DLG2: variants seen among roughly 807,000 people sequenced by gnomAD.
DLG2 encodes the protein disks large homolog 2.
Under a neutral mutation model 132.5 loss-of-function variants are expected in DLG2, and 45 were observed. That is an observed-to-expected ratio of 0.34 (90% CI 0.27 to 0.44). DLG2 has a LOEUF of 0.44. Among genes scored for constraint, DLG2 ranks in the 20% least tolerant of loss-of-function variants. DLG2 has a pLI of 1.00. For missense variants in DLG2, 1,045 were observed against 1,196.9 expected, an observed-to-expected ratio of 0.87 and a Z score of 1.87; for synonymous variants, 424 against 419.6, an observed-to-expected ratio of 1.01 and a Z score of -0.13.
chr11:84,442,865 T>G (rs1265952996), intron 7 of DLG2, among the ~76,000 whole-genome samples: 1 of 152,144 alleles, frequency 6.6e-6, no homozygotes, highest in African/African-American at 2.4e-5. Flanking sequence ...TTAGTGCTAA[T>G]GTATATTAAA....
intron 21 of DLG2, among the ~76,000 whole-genome samples, chr11:83,521,592 C>T (rs1470754962): frequency 2.0e-5 from 3 of 152,156 alleles, no homozygotes; most frequent in Admixed American, 6.5e-5. Flanking sequence ...TAAAAGCATA[C>T]ATACAATTTT....
At chr11:83,789,705 G>C (rs936077615) in intron 17 of DLG2, among the ~76,000 whole-genome samples, 4 of 152,012 alleles carry the variant, frequency 2.6e-5, no homozygotes, top group African/African-American at 9.7e-5. Flanking sequence ...GTGCCACCAC[G>C]CCCAGCTATT....
chr11:84,233,079 C>T (rs963259), intron 8 of DLG2, among the ~76,000 whole-genome samples: 2 of 151,936 alleles, frequency 1.3e-5, no homozygotes, highest in East Asian at 1.9e-4. Flanking sequence ...GCTTCCTCCA[C>T]AATTTTGAGA....
intron 6 of DLG2, among the ~76,000 whole-genome samples, chr11:84,632,140 G>A (rs995498844): frequency 1.3e-5 from 2 of 152,146 alleles, no homozygotes; most frequent in East Asian, 3.9e-4. Context: ...CCAAATGGAA[G>A]TTTGCTGTGT....
chr11:83,672,889 G>A (rs988203008), intron 18 of DLG2, among the ~76,000 whole-genome samples: 15 of 152,018 alleles, frequency 9.9e-5, no homozygotes, highest in East Asian at 9.7e-4. Context: ...GGTGAAACCC[G>A]TCTCTACTAA....
At chr11:85,009,978 T>C (rs1238431048) in intron 6 of DLG2, among the ~76,000 whole-genome samples, 1 of 152,104 alleles carries the variant, frequency 6.6e-6, no homozygotes, top group Non-Finnish European at 1.5e-5. Context: ...ATCCCAGCAA[T>C]TTTTAAAATA....
chr11:83,563,968 T>C (rs2096658271), intron 19 of DLG2, among the ~76,000 whole-genome samples: 1 of 152,224 alleles, frequency 6.6e-6, no homozygotes, highest in Non-Finnish European at 1.5e-5. Context: ...GACAGTGATA[T>C]TATCCATTGT....
At chr11:84,558,958 G>A (rs1385467750) in intron 6 of DLG2, among the ~76,000 whole-genome samples, 1 of 152,034 alleles carries the variant, frequency 6.6e-6, no homozygotes, top group Non-Finnish European at 1.5e-5. Context: ...CATCATTAGA[G>A]CTGTCACATT....
At chr11:85,318,026 A>G (rs907323763) in intron 3 of DLG2, among the ~76,000 whole-genome samples, 2 of 151,912 alleles carry the variant, frequency 1.3e-5, no homozygotes, top group Admixed American at 1.3e-4. Flanking sequence ...GAACCAATTT[A>G]ATTACATTTC....
chr11:84,289,704 C>A (rs970841896), intron 7 of DLG2, among the ~76,000 whole-genome samples: 15 of 152,094 alleles, frequency 9.9e-5, no homozygotes, highest in African/African-American at 3.6e-4. Context: ...ATGATCCACC[C>A]AGGCATGACT....
chr11:84,627,683 G>T (rs2099625099), intron 6 of DLG2, among the ~76,000 whole-genome samples: 1 of 152,198 alleles, frequency 6.6e-6, no homozygotes, highest in Admixed American at 6.5e-5. Context: ...ATAAAGAAAA[G>T]AAGTTTAATT....
chr11:85,593,563 A>G (rs17810659), intron 3 of DLG2, among the ~76,000 whole-genome samples: 17,985 of 152,158 alleles, frequency 0.12, 1,316 homozygotes, highest in East Asian at 0.28. Context: ...TGGGTTAACA[A>G]AAAAAGATAT....
At chr11:84,687,576 C>T (rs1247901496) in intron 6 of DLG2, among the ~76,000 whole-genome samples, 2 of 152,118 alleles carry the variant, frequency 1.3e-5, no homozygotes, top group African/African-American at 4.8e-5. Context: ...AACCTACCTG[C>T]CTTCTTAAAT....
chr11:83,683,594 G>A (rs11233714), intron 18 of DLG2, among the ~76,000 whole-genome samples: 42,625 of 151,974 alleles, frequency 0.28, 6,295 homozygotes, highest in South Asian at 0.32. Context: ...TTACTAAAAC[G>A]CAGATTGTTT....
chr11:84,546,550 A>C, intron 6 of DLG2: 1 of 377,644 alleles, frequency 2.6e-6, no homozygotes. Context: ...TTAAGTAGGC[A>C]ACTAGTCTTT....
At chr11:84,261,291 A>G (rs554368310) in intron 7 of DLG2, among the ~76,000 whole-genome samples, 3 of 152,194 alleles carry the variant, frequency 2.0e-5, no homozygotes, top group South Asian at 4.2e-4. Context: ...CCAAGCACAT[A>G]CCTTGCTCAT....
At chr11:83,973,636 A>T (rs1318553440) in intron 12 of DLG2, among the ~76,000 whole-genome samples, 2 of 152,096 alleles carry the variant, frequency 1.3e-5, no homozygotes, top group East Asian at 3.9e-4. Flanking sequence ...ATGGGCTAGG[A>T]TGTGGTTAGA....
In DLG2 at chr11:85,509,462, G is replaced by A. The variant is rs574081679; in HGVS notation, c.40+89195C>T. 2.6e-5 allele frequency among the ~76,000 whole-genome samples: 4 copies of A among 152,116 alleles called. No homozygotes were observed. The South Asian group carries it at 6.2e-4, about 24-fold the overall frequency. On this transcript the variant is annotated intron_variant, in intron 3 of 27. Transcript: ENST00000376104. Reference sequence around the variant, plus strand: ...TTGACTAACCCGAATGCTTGCAGAGGAGAGCAAGCAACCAGGACGGTGGAG... The same window carrying A: ...TTGACTAACCCGAATGCTTGCAGAGAAGAGCAAGCAACCAGGACGGTGGAG...
chr11:83,551,458 GA>G (rs1186940278), intron 19 of DLG2, among the ~76,000 whole-genome samples: 2 of 152,154 alleles, frequency 1.3e-5, no homozygotes, highest in Admixed American at 1.3e-4. Flanking sequence ...AGACATTCAA[GA>G]GCATCTGAAA....
Sources: allele counts gnomAD v4.1 joint callset (sites outside exome capture counted in the v4.1 genomes callset), GRCh38; gene constraint gnomAD v4.1.1; transcripts MANE v1.5; gene names NCBI Gene and HGNC (gene_info 2026-07-23, HGNC 2026-07-21).